The following JAKMIP1 variants were observed in gnomAD, a reference collection of about 807,000 sequenced individuals.
JAKMIP1 encodes janus kinase and microtubule-interacting protein 1.
A neutral mutation model predicts 113.0 loss-of-function variants in JAKMIP1; 33 were observed. The observed-to-expected ratio is 0.29, with a 90% CI of 0.22 to 0.39. JAKMIP1 has a LOEUF of 0.39. Among genes scored for constraint, JAKMIP1 ranks in the 10% least tolerant of loss-of-function variants. The pLI is 1.00. For synonymous variants in JAKMIP1, 480 were observed against 459.9 expected, an observed-to-expected ratio of 1.04 and a Z score of -0.56; for missense variants, 813 against 1,080.5, an observed-to-expected ratio of 0.75 and a Z score of 3.47.
At position 6,161,475 on chromosome 4, in the gene JAKMIP1, A is replaced by G. The variant is rs549299588; in HGVS notation, c.-148+38778T>C. ...AGGTGGGAGAGCCACACCCGCCTGAACGGGGAGGTCCCCAAAGACTCTGAC... is the reference window on the plus strand; with the variant it reads ...AGGTGGGAGAGCCACACCCGCCTGAGCGGGGAGGTCCCCAAAGACTCTGAC... On this transcript the variant is annotated intron_variant, in intron 1 of 20. Coordinates refer to ENST00000409021, the MANE Select transcript of JAKMIP1 (RefSeq NM_001099433.2). Among the ~76,000 whole-genome samples the G allele has an allele frequency of 1.4e-4, 22 of 152,282 alleles. No individual in the cohort carries two copies. The South Asian group carries it at 4.6e-3, about 32-fold the overall frequency.
rs1721669253 is a variant in JAKMIP1 at position 6,088,958 on chromosome 4, G to C, written c.625-3329C>G. Among the ~76,000 whole-genome samples, 1 of 152,170 alleles carries C rather than the reference G, an allele frequency of 6.6e-6. No individual in the cohort carries two copies. Among genetic ancestry groups the C allele is most frequent in the Admixed American group, 6.5e-5 (1 of 15,280 alleles). On this transcript the variant is annotated intron_variant, in intron 3 of 20. Transcript: ENST00000409021. The surrounding 1 kb of genome is among the most constrained non-coding windows in gnomAD (Gnocchi z 5.5). Reference sequence around the variant, plus strand: ...CCAGGGCAGTCCCCAATTGGCTCATGCCACCCAAATGTCCCTGTCCCAACA... The same window carrying C: ...CCAGGGCAGTCCCCAATTGGCTCATCCCACCCAAATGTCCCTGTCCCAACA...
rs571899555 is a variant in JAKMIP1 at position 6,129,378 on chromosome 4, C to T, written c.-147-16381G>A. Among the ~76,000 whole-genome samples the T allele has an allele frequency of 9.1e-4, 138 of 152,316 alleles. 1 individual carries two copies. Among genetic ancestry groups the T allele is most frequent in the Non-Finnish European group, 2.6e-4 (18 of 68,024 alleles). ...TTTGGCTAAATGGTAAGGTACTGAC[C>T]ATTAAGGGTCCTTGGCCTTGCTCTT... On this transcript the variant is annotated intron_variant, in intron 1 of 20. Transcript: ENST00000409021. This position sits in a 1 kb window ranked among gnomAD's most constrained non-coding sequence, Gnocchi z 5.4.
At chr4:6,127,291 T>G (rs1374959869) in intron 1 of JAKMIP1, among the ~76,000 whole-genome samples, 1 of 151,912 alleles carries the variant, frequency 6.6e-6, no homozygotes, top group Non-Finnish European at 1.5e-5. Context: ...TCCCCCAATT[T>G]AGAGATGAGA....
rs111514715 is a variant in JAKMIP1 at position 6,142,466 on chromosome 4, G to A, written c.-147-29469C>T. Among the ~76,000 whole-genome samples the A allele has an allele frequency of 1.1e-4, 17 of 152,338 alleles. No homozygotes were observed. Among genetic ancestry groups the A allele is most frequent in the African/African-American group, 2.6e-4 (11 of 41,578 alleles). On this transcript the variant is annotated intron_variant, in intron 1 of 20. Coordinates refer to ENST00000409021, the MANE Select transcript of JAKMIP1 (RefSeq NM_001099433.2). The surrounding 1 kb of genome is among the most constrained non-coding windows in gnomAD (Gnocchi z 5.5). ...TCTTACATGAACTTGTCACATGAGA[G>A]AAGTCCTACGTACACTCAGCAATAT...
At chr4:6,169,837 C>T (rs1724135867) in intron 1 of JAKMIP1, among the ~76,000 whole-genome samples, 1 of 151,750 alleles carries the variant, frequency 6.6e-6, no homozygotes, top group Non-Finnish European at 1.5e-5. Context: ...GTACAACAAC[C>T]CCATGTTGTT....
Position 6,081,724 on chromosome 4 carries a change from A to C in JAKMIP1, c.986T>G (p.Leu329Arg). 1 of 1,614,178 alleles carries C rather than the reference A, an allele frequency of 6.2e-7. No homozygotes were observed. The highest frequency in any genetic ancestry group is 8.5e-7 in the Non-Finnish European group (1 of 1,180,040). ...CTTGTTCTTCTCCACCAGGGGCTTC[A>C]GCTGAACCTCGGTCTCTCGTGAGCG... The part of the protein sequence containing the change: ...LKRSRETEVQ[L>R]KPLVEKNKRM... The change falls in exon 6 of 21, where the codon CTG becomes CGG. Residue 329 changes from leucine (L) to arginine (R), a missense_variant. Coordinates refer to ENST00000409021, the MANE Select transcript of JAKMIP1 (RefSeq NM_001099433.2). The surrounding 1 kb of genome is among the most constrained non-coding windows in gnomAD (Gnocchi z 4.6).
chr4:6,056,804 G>T, intron 11 of JAKMIP1, 45 bp from the exon 12 acceptor site: 1 of 1,328,660 alleles, frequency 7.5e-7, no homozygotes, highest in East Asian at 2.3e-5. Flanking sequence ...GAAGCAAACA[G>T]ATGGTCAAGT....
Position 6,199,241 on chromosome 4 carries a change from C to G in JAKMIP1, c.-148+1012G>C, listed in dbSNP as rs1560366913. Among the ~76,000 whole-genome samples, 1 of 152,206 alleles carries G rather than the reference C, an allele frequency of 6.6e-6. No homozygotes were observed. Among genetic ancestry groups the G allele is most frequent in the Non-Finnish European group, 1.5e-5 (1 of 68,036 alleles). ...ACAGTATCGCTGGAGCTCAGAGAGCCGGGCAGAGGCTGGCGGAGAGCCGAG... is the reference window on the plus strand; with the variant it reads ...ACAGTATCGCTGGAGCTCAGAGAGCGGGGCAGAGGCTGGCGGAGAGCCGAG... On this transcript the variant is annotated intron_variant, in intron 1 of 20. Coordinates refer to ENST00000409021, the MANE Select transcript of JAKMIP1 (RefSeq NM_001099433.2). The surrounding 1 kb of genome is among the most constrained non-coding windows in gnomAD (Gnocchi z 5.6).
chr4:6,115,535 C>T (rs944049687), intron 1 of JAKMIP1, among the ~76,000 whole-genome samples: 5 of 152,228 alleles, frequency 3.3e-5, no homozygotes, highest in Non-Finnish European at 7.3e-5. Flanking sequence ...GCCAGCCCTG[C>T]ACCCTGGGGA....
intron 3 of JAKMIP1, among the ~76,000 whole-genome samples, chr4:6,091,639 T>C (rs1263310605): frequency 1.3e-5 from 2 of 152,170 alleles, no homozygotes; most frequent in Non-Finnish European, 2.9e-5. Context: ...CTTCCCACCA[T>C]GTGATGACAG....
At chr4:6,096,925 A>C (rs1214439217) in intron 3 of JAKMIP1, among the ~76,000 whole-genome samples, 1 of 152,238 alleles carries the variant, frequency 6.6e-6, no homozygotes, top group Non-Finnish European at 1.5e-5. Context: ...GAAACATCGG[A>C]AGGCAAAGTT....
intron 20 of JAKMIP1, among the ~76,000 whole-genome samples, chr4:6,028,108 A>C (rs1174249201): frequency 6.6e-6 from 1 of 152,232 alleles, no homozygotes; most frequent in Non-Finnish European, 1.5e-5. Flanking sequence ...CGTGGGGCAG[A>C]GGGGTGAATT....
At chr4:6,152,791 T>TATATATATATATATATATAC (rs1424152499) in intron 1 of JAKMIP1, among the ~76,000 whole-genome samples, 21 of 109,568 alleles carry the variant, frequency 1.9e-4, no homozygotes, top group Non-Finnish European at 3.3e-4. Context: ...AAAATACAAA[T>TATATATATATATATATATAC]ATATATATAT....
At chr4:6,166,990 G>C (rs1413533615) in intron 1 of JAKMIP1, among the ~76,000 whole-genome samples, 2 of 151,424 alleles carry the variant, frequency 1.3e-5, no homozygotes, top group African/African-American at 4.9e-5. Context: ...ATTCAGAATA[G>C]GGGTTATAAT....
chr4:6,057,990 G>A (rs546156209), intron 11 of JAKMIP1, among the ~76,000 whole-genome samples: 1 of 152,392 alleles, frequency 6.6e-6, no homozygotes, highest in South Asian at 2.1e-4. Context: ...AACCCCTGCT[G>A]TTCTAAATAA....
chr4:6,046,108 C>G (rs1714956420), intron 16 of JAKMIP1, among the ~76,000 whole-genome samples: 1 of 152,154 alleles, frequency 6.6e-6, no homozygotes, highest in Non-Finnish European at 1.5e-5. Context: ...CACGACTGTC[C>G]CTGTTTTAGC....
rs142094738 is a variant in JAKMIP1 at position 6,093,923 on chromosome 4, T to C, written c.625-8294A>G. On this transcript the variant is annotated intron_variant, in intron 3 of 20. Transcript: ENST00000409021. This position sits in a 1 kb window ranked among gnomAD's most constrained non-coding sequence, Gnocchi z 4.6. ...TCCCACCTGCCCAGGAGGCTGCAAG[T>C]TCCCTCTTTTCTGCCACCCTGGCTC... Among the ~76,000 whole-genome samples, 616 of 152,094 alleles carry C rather than the reference T, an allele frequency of 4.1e-3. 4 individuals carry two copies. The highest frequency in any genetic ancestry group is 6.8e-3 in the Non-Finnish European group (465 of 67,980).
At position 6,136,091 on chromosome 4, in the gene JAKMIP1, C is replaced by A. The variant is rs1237730332; in HGVS notation, c.-147-23094G>T. ...TGAAACCCCATCTCTACTAAAGATA[C>A]AAAAATTGGCCGGGCATGGTGGTGG... On this transcript the variant is annotated intron_variant, in intron 1 of 20. Coordinates refer to ENST00000409021, the MANE Select transcript of JAKMIP1 (RefSeq NM_001099433.2). The surrounding 1 kb of genome is among the most constrained non-coding windows in gnomAD (Gnocchi z 5.9). Among the ~76,000 whole-genome samples, 1 of 151,984 alleles carries A rather than the reference C, an allele frequency of 6.6e-6. No individual in the cohort carries two copies. Among genetic ancestry groups the A allele is most frequent in the Non-Finnish European group, 1.5e-5 (1 of 67,996 alleles).
Position 6,188,068 on chromosome 4 carries a change from T to C in JAKMIP1, c.-148+12185A>G, listed in dbSNP as rs1726837695. On this transcript the variant is annotated intron_variant, in intron 1 of 20. Transcript: ENST00000409021. This position sits in a 1 kb window ranked among gnomAD's most constrained non-coding sequence, Gnocchi z 5.8. ...AATGTTAAGTTTCTTAAATGGCTAA[T>C]TTTCAAATCTGTCATTTTTTTTTCT... is the stretch of plus-strand genomic sequence containing the variant. Among the ~76,000 whole-genome samples the C allele has an allele frequency of 6.6e-6, 1 of 152,224 alleles. No individual in the cohort carries two copies. Among genetic ancestry groups the C allele is most frequent in the African/African-American group, 2.4e-5 (1 of 41,460 alleles).
Sources: gnomAD v4.1 joint callset for allele counts (sites outside exome capture counted in the v4.1 genomes callset) on GRCh38, gnomAD v4.1.1 for gene constraint, Gnocchi (gnomAD v3.1) non-coding constraint, MANE v1.5 for transcripts, NCBI Gene and HGNC (gene_info 2026-07-23, HGNC 2026-07-21) for gene names.